Variants in SNTG1 observed in about 807,000 individuals in gnomAD.
SNTG1 encodes the protein gamma-1-syntrophin.
Under a neutral mutation model 74.7 loss-of-function variants are expected in SNTG1, and 39 were observed. The ratio of observed to expected loss-of-function variants is 0.52; its 90% CI spans 0.40 to 0.68. The LOEUF is 0.68. SNTG1 is among the 30% of genes least tolerant of loss of function. The probability of loss-of-function intolerance (pLI) is 0.00; values close to 1 mark genes in which losing one functional copy is unlikely to be tolerated. For synonymous variants in SNTG1, 254 were observed against 217.1 expected (o/e 1.17, Z -1.49); for missense variants, 685 against 609.5 (o/e 1.12, Z -1.30).
chr8:50,283,896 T>A (rs2088613726), intron 2 of SNTG1, among the ~76,000 whole-genome samples: 1 of 152,186 alleles, frequency 6.6e-6, no homozygotes, highest in African/African-American at 2.4e-5. Context: ...TAAATGCCCC[T>A]GCACACAGTA....
chr8:50,355,793 A>C (rs2091801391), intron 2 of SNTG1, among the ~76,000 whole-genome samples: 1 of 152,160 alleles, frequency 6.6e-6, no homozygotes. Flanking sequence ...TAAAACCCTC[A>C]TTTTTAGCTT....
chr8:50,383,368 A>T (rs904412144), intron 2 of SNTG1, among the ~76,000 whole-genome samples: 2 of 152,218 alleles, frequency 1.3e-5, no homozygotes, highest in African/African-American at 4.8e-5. Context: ...ACTATTATTA[A>T]TAAATCTTAT....
chr8:50,363,626 A>G (rs1446930110), intron 2 of SNTG1, among the ~76,000 whole-genome samples: 2 of 152,206 alleles, frequency 1.3e-5, no homozygotes, highest in Non-Finnish European at 2.9e-5. Flanking sequence ...TTATGCATAA[A>G]TATTAAGCAT....
intron 13 of SNTG1, among the ~76,000 whole-genome samples, chr8:50,651,870 C>T (rs532765003): frequency 9.9e-5 from 15 of 152,148 alleles, no homozygotes; most frequent in African/African-American, 3.6e-4. Flanking sequence ...ACCTCCACCT[C>T]CCAGGTTCAA....
intron 1 of SNTG1, among the ~76,000 whole-genome samples, chr8:50,046,309 A>T (rs1030233999): frequency 6.6e-6 from 1 of 152,108 alleles, no homozygotes; most frequent in Non-Finnish European, 1.5e-5. Context: ...CAAAACCTTG[A>T]TTCTGTTGTT....
At chr8:50,555,325 A>G (rs1333943640) in intron 12 of SNTG1, among the ~76,000 whole-genome samples, 1 of 152,196 alleles carries the variant, frequency 6.6e-6, no homozygotes, top group Non-Finnish European at 1.5e-5. Flanking sequence ...ATTCAAAAGT[A>G]TTAGGTTCCA....
intron 17 of SNTG1, among the ~76,000 whole-genome samples, chr8:50,727,119 A>G (rs2095502107): frequency 6.6e-6 from 1 of 152,138 alleles, no homozygotes; most frequent in East Asian, 1.9e-4. Context: ...TCTAAACTAT[A>G]TTAGTGGTGT....
At chr8:50,562,425 G>A (rs1271972877) in intron 12 of SNTG1, among the ~76,000 whole-genome samples, 1 of 152,152 alleles carries the variant, frequency 6.6e-6, no homozygotes, top group African/African-American at 2.4e-5. Flanking sequence ...AGTATTTCTG[G>A]CTCTGAAGAT....
intron 1 of SNTG1, among the ~76,000 whole-genome samples, chr8:50,075,505 C>A (rs950088861): frequency 1.3e-5 from 2 of 152,168 alleles, no homozygotes; most frequent in Non-Finnish European, 2.9e-5. Context: ...TAATCAGCAC[C>A]CCGTCAAAAC....
intron 2 of SNTG1, among the ~76,000 whole-genome samples, chr8:50,285,158 A>G (rs1248295314): frequency 6.6e-6 from 1 of 152,068 alleles, no homozygotes; most frequent in African/African-American, 2.4e-5. Flanking sequence ...GACACTTCCT[A>G]GTCCAGTTTC....
intron 1 of SNTG1, among the ~76,000 whole-genome samples, chr8:49,950,714 G>A (rs1809625069): frequency 6.6e-6 from 1 of 152,126 alleles, no homozygotes; most frequent in East Asian, 1.9e-4. Context: ...TTAAGAAAAA[G>A]GGTATGTTTG....
In SNTG1 at chr8:50,590,994, G is replaced by A. The variant is rs879691213; in HGVS notation, c.849+77G>A. ...TTGATTATAGAAGATAACGTTACCT[G>A]ATTTCTAGACAGAAATAATTGGTAC... is the stretch of plus-strand genomic sequence containing the variant. On this transcript the variant is annotated intron_variant, in intron 13 of 18. Transcript: ENST00000642720. 6.4e-5 allele frequency: 65 copies of A among 1,020,904 alleles called. No individual in the cohort carries two copies. The Admixed American group carries it at 2.0e-3, about 32-fold the overall frequency. The allele number at this position is 1,020,904 out of a possible 1,614,324, so 63.2% of individuals were successfully genotyped here. A position where few individuals can be genotyped will look rare whatever the true frequency, so the allele number is the denominator to read the frequency against.
intron 1 of SNTG1, among the ~76,000 whole-genome samples, chr8:50,122,376 G>T (rs2081025610): frequency 7.1e-6 from 1 of 141,360 alleles, no homozygotes; most frequent in Non-Finnish European, 1.6e-5. Flanking sequence ...GTGAGGGAGT[G>T]AGGTCCCTTT....
At chr8:50,252,569 T>G (rs1374697898) in intron 2 of SNTG1, among the ~76,000 whole-genome samples, 2 of 152,312 alleles carry the variant, frequency 1.3e-5, no homozygotes, top group South Asian at 2.1e-4. Flanking sequence ...CAAAGCAGAA[T>G]GCCAGCATCT....
At chr8:50,306,688 T>C (rs1016295940) in intron 2 of SNTG1, among the ~76,000 whole-genome samples, 6 of 152,038 alleles carry the variant, frequency 3.9e-5, no homozygotes, top group African/African-American at 1.4e-4. Context: ...GCCATTTTTA[T>C]ATCTTTTTTG....
intron 13 of SNTG1, among the ~76,000 whole-genome samples, chr8:50,614,413 G>A (rs1007886888): frequency 1.4e-4 from 22 of 151,958 alleles, no homozygotes; most frequent in Non-Finnish European, 3.2e-4. Context: ...GGAATCAAGA[G>A]ATCATTTTAT....
intron 18 of SNTG1, among the ~76,000 whole-genome samples, chr8:50,781,768 G>T (rs962762068): frequency 6.6e-6 from 1 of 152,128 alleles, no homozygotes; most frequent in Non-Finnish European, 1.5e-5. Context: ...TGGTTATTGT[G>T]CGCGTTCGTT....
chr8:49,975,846 T>C (rs563382583), intron 1 of SNTG1, among the ~76,000 whole-genome samples: 2 of 152,096 alleles, frequency 1.3e-5, no homozygotes, highest in African/African-American at 2.4e-5. Flanking sequence ...AGAGATAAAT[T>C]AATGGGATTG....
In SNTG1 at chr8:50,660,401, GAAAGAAAGAAAAGAAAGAAAGAAAGA is replaced by G. The variant is rs1164669200; in HGVS notation, c.1038+1740_1038+1765del. 1.0e-4 allele frequency among the ~76,000 whole-genome samples: 3 copies of G among 29,462 alleles called. No individual in the cohort carries two copies. In the Admixed American group the frequency reaches 1.2e-3, roughly 12 times the overall value. The allele number at this position is 29,462 out of a possible 152,430, so 19.3% of individuals were successfully genotyped here. A position where few individuals can be genotyped will look rare whatever the true frequency, so the allele number is the denominator to read the frequency against. On this transcript the variant is annotated intron_variant, in intron 15 of 18. Coordinates refer to ENST00000642720, the MANE Select transcript of SNTG1 (RefSeq NM_018967.5). ...AGGAAGGAAGGAAGGAAGAAAAAGA[GAAAGAAAGAAAAGAAAGAAAGAAAGA>G]AGAAAGAAAGAAAGAGAAAAAAGAA...
Sources: gnomAD v4.1 joint callset for allele counts (sites outside exome capture counted in the v4.1 genomes callset) on GRCh38, gnomAD v4.1.1 for gene constraint, MANE v1.5 for transcripts, NCBI Gene and HGNC (gene_info 2026-07-23, HGNC 2026-07-21) for gene names.